The following VPS26C variants were observed in gnomAD, a reference collection of about 807,000 sequenced individuals.
VPS26C encodes the protein vacuolar protein sorting-associated protein 26C.
Under a neutral mutation model 30.6 loss-of-function variants are expected in VPS26C, and 19 were observed. The observed-to-expected ratio is 0.62, with a 90% CI of 0.43 to 0.91. The LOEUF (loss-of-function observed/expected upper bound fraction) is 0.91, where lower values mean the gene tolerates loss of function less well. VPS26C is among the 40% of genes least tolerant of loss of function. VPS26C has a pLI of 0.00. For synonymous variants in VPS26C, 132 were observed against 151.5 expected, an observed-to-expected ratio of 0.87 and a Z score of 0.95; for missense variants, 318 against 385.1, an observed-to-expected ratio of 0.83 and a Z score of 1.46.
At chr21:37,234,932 T>C (rs2086004270) in intron 3 of VPS26C, among the ~76,000 whole-genome samples, 1 of 151,952 alleles carries the variant, frequency 6.6e-6, no homozygotes, top group Non-Finnish European at 1.5e-5. Flanking sequence ...AACCTCCACC[T>C]CCTGGTTTCA....
At chr21:37,249,629 T>G (rs2086171223) in intron 1 of VPS26C, among the ~76,000 whole-genome samples, 1 of 152,216 alleles carries the variant, frequency 6.6e-6, no homozygotes, top group Non-Finnish European at 1.5e-5. Flanking sequence ...AAATCTACTT[T>G]CCCAGAAGTT....
At position 37,228,211 on chromosome 21, in the gene VPS26C, C is replaced by G. The variant is rs1054882122; in HGVS notation, c.658+12G>C. On this transcript the variant is annotated intron_variant, in intron 6 of 7. Transcript: ENST00000309117. The stretch of plus-strand genomic sequence containing the variant: ...GACAGGCAAGCGCCAGGCCTGGTGG[C>G]ACGGCCCTCACCGCACGTCTCCACG... The G allele has an allele frequency of 1.2e-6, 2 of 1,608,142 alleles. No homozygotes were observed. The highest frequency in any genetic ancestry group is 1.1e-5 in the South Asian group (1 of 90,958).
intron 1 of VPS26C, among the ~76,000 whole-genome samples, chr21:37,253,627 AT>A (rs1335277985): frequency 1.3e-5 from 2 of 152,232 alleles, no homozygotes; most frequent in Admixed American, 6.5e-5. Flanking sequence ...AGAGTATTAA[AT>A]TCTAATCATG....
At position 37,261,841 on chromosome 21, in the gene VPS26C, T is replaced by C. The variant is rs2086307527; in HGVS notation, c.57+5397A>G. 2.0e-5 allele frequency: 3 copies of C among 151,970 alleles called. No individual in the cohort carries two copies. In the South Asian group the frequency reaches 6.2e-4, roughly 32 times the overall value. The allele number at this position is 151,970 out of a possible 1,614,324, so 9.4% of individuals were successfully genotyped here. ...ATCAAGGTCCTTTGGAGCAGGGTCT[T>C]CTCCCAGAATCTAGATGGAGTGATC... is the stretch of plus-strand genomic sequence containing the variant. On this transcript the variant is annotated intron_variant, in intron 1 of 7. Transcript: ENST00000309117.
chr21:37,253,176 A>G lies in VPS26C; in HGVS notation c.58-12537T>C, dbSNP rs1398686829. ...GCAATGAAACTGTAACAAAATAACA[A>G]GATATCAATTTACATGGCTTACATA... On this transcript the variant is annotated intron_variant, in intron 1 of 7. Coordinates refer to ENST00000309117, the MANE Select transcript of VPS26C (RefSeq NM_006052.2). 3.9e-5 allele frequency among the ~76,000 whole-genome samples: 6 copies of G among 152,262 alleles called. No individual in the cohort carries two copies. In the East Asian group the frequency reaches 1.2e-3, roughly 29 times the overall value.
intron 1 of VPS26C, among the ~76,000 whole-genome samples, chr21:37,245,234 G>A (rs909548806): frequency 6.6e-6 from 1 of 152,230 alleles, no homozygotes; most frequent in Admixed American, 6.5e-5. Flanking sequence ...GCGAAAGCCA[G>A]GTCAGGTCAC....
intron 1 of VPS26C, among the ~76,000 whole-genome samples, chr21:37,242,642 A>C (rs531524785): frequency 1.3e-5 from 2 of 152,196 alleles, no homozygotes; most frequent in Non-Finnish European, 2.9e-5. Context: ...TTACTTGACG[A>C]ATATGTCCCA....
At chr21:37,263,296 GTC>G (rs1455153645) in intron 1 of VPS26C, among the ~76,000 whole-genome samples, 16 of 152,270 alleles carry the variant, frequency 1.1e-4, no homozygotes, top group African/African-American at 3.9e-4. Flanking sequence ...AGTCATATCA[GTC>G]TCTTTTTATT....
intron 3 of VPS26C, among the ~76,000 whole-genome samples, chr21:37,236,550 G>A (rs988000227): frequency 1.3e-5 from 2 of 152,190 alleles, no homozygotes; most frequent in African/African-American, 4.8e-5. Flanking sequence ...AGTTTTTGGA[G>A]ATGCGCAATG....
intron 1 of VPS26C, among the ~76,000 whole-genome samples, chr21:37,247,338 C>T (rs368955216): frequency 5.3e-5 from 8 of 151,792 alleles, no homozygotes; most frequent in South Asian, 4.2e-4. Flanking sequence ...CAGGTAGTAG[C>T]GGGAAGAAAG....
At chr21:37,228,581 CCTGA>C (rs1212285798) in intron 5 of VPS26C, 2 of 540,684 alleles carry the variant, frequency 3.7e-6, no homozygotes, top group African/African-American at 3.8e-5. Context: ...ACATATGGCA[CCTGA>C]CTGACACTCT....
chr21:37,243,497 C>T (rs1051133380), intron 1 of VPS26C, among the ~76,000 whole-genome samples: 5 of 152,186 alleles, frequency 3.3e-5, no homozygotes, highest in Non-Finnish European at 5.9e-5. Flanking sequence ...GAAGCCAGCA[C>T]AGACACTGGG....
Position 37,233,531 on chromosome 21 carries a change from A to G in VPS26C, c.352-89T>C, listed in dbSNP as rs551438230. 1.0e-4 allele frequency: 96 copies of G among 938,172 alleles called. No homozygotes were observed. The South Asian group carries it at 1.2e-3, about 12-fold the overall frequency. 58.1% of individuals were successfully genotyped at this position (938,172 alleles called of 1,614,324 possible). A position where few individuals can be genotyped will look rare whatever the true frequency, so the allele number is the denominator to read the frequency against. ...TATTCAAAGAGACAAGTCAGTCAAC[A>G]TATTTTAGGGAAATGTTGTACAATC... On this transcript the variant is annotated intron_variant, in intron 3 of 7. Transcript: ENST00000309117. This position sits in a 1 kb window ranked among gnomAD's most constrained non-coding sequence, Gnocchi z 5.2.
chr21:37,258,404 A>C (rs1264799198), intron 1 of VPS26C, among the ~76,000 whole-genome samples: 1 of 152,150 alleles, frequency 6.6e-6, no homozygotes, highest in Non-Finnish European at 1.5e-5. Context: ...ATGCGATGTG[A>C]CGTGTTACCT....
At chr21:37,239,186 G>A (rs578159153) in intron 2 of VPS26C, among the ~76,000 whole-genome samples, 3 of 152,336 alleles carry the variant, frequency 2.0e-5, no homozygotes, top group Admixed American at 6.5e-5. Context: ...TTCAAGGCAC[G>A]TATTCATGCT....
chr21:37,242,066 C>T (rs1355224382), intron 1 of VPS26C, among the ~76,000 whole-genome samples: 1 of 152,180 alleles, frequency 6.6e-6, no homozygotes, highest in Non-Finnish European at 1.5e-5. Flanking sequence ...TTAAAACAAA[C>T]ACGATCATCT....
At chr21:37,261,659 A>C (rs1009915127) in intron 1 of VPS26C, 3 of 152,044 alleles carry the variant, frequency 2.0e-5, no homozygotes, top group Non-Finnish European at 4.4e-5. Context: ...ATGTCAAAAA[A>C]AAAAATGGAA....
chr21:37,228,655 C>T (rs1175673949), intron 5 of VPS26C: 1 of 290,836 alleles, frequency 3.4e-6, no homozygotes, highest in Non-Finnish European at 6.6e-6. Flanking sequence ...CTAGAAAGCT[C>T]CTTCTTACCA....
At chr21:37,246,763 T>A (rs1045626384) in intron 1 of VPS26C, among the ~76,000 whole-genome samples, 5 of 152,210 alleles carry the variant, frequency 3.3e-5, no homozygotes, top group Non-Finnish European at 5.9e-5. Flanking sequence ...ATTCAAACCA[T>A]ACTTCCATAC....
Sources: allele counts gnomAD v4.1 joint callset (sites outside exome capture counted in the v4.1 genomes callset), GRCh38; gene constraint gnomAD v4.1.1; non-coding constraint Gnocchi (gnomAD v3.1); transcripts MANE v1.5; gene names NCBI Gene and HGNC (gene_info 2026-07-23, HGNC 2026-07-21).